SPATA13: variants seen among roughly 807,000 people sequenced by gnomAD.
SPATA13 encodes spermatogenesis associated 13.
Under a neutral mutation model 104.0 loss-of-function variants are expected in SPATA13, and 50 were observed. The observed-to-expected ratio is 0.48, with a 90% confidence interval of 0.38 to 0.61. SPATA13 has a LOEUF of 0.61. Among genes scored for constraint, SPATA13 ranks in the 20% least tolerant of loss-of-function variants. The pLI is 0.00. For synonymous variants in SPATA13, 606 were observed against 667.5 expected, an observed-to-expected ratio of 0.91 and a Z score of 1.42; for missense variants, 1,524 against 1,690.6, an observed-to-expected ratio of 0.90 and a Z score of 1.73.
At chr13:24,085,785 C>T (rs763477904) in intron 3 of SPATA13, among the ~76,000 whole-genome samples, 42 of 152,338 alleles carry the variant, frequency 2.8e-4, no homozygotes, top group South Asian at 1.7e-3. Flanking sequence ...TTCTGCCAGG[C>T]GAGACCCAGA....
intron 3 of SPATA13, among the ~76,000 whole-genome samples, chr13:24,074,160 C>A (rs933062549): frequency 6.6e-6 from 1 of 152,126 alleles, no homozygotes; most frequent in Non-Finnish European, 1.5e-5. Context: ...TTCATTAAAC[C>A]ACTATTGTCT....
At chr13:24,046,616 A>C in intron 3 of SPATA13, among the ~76,000 whole-genome samples, 1 of 150,636 alleles carries the variant, frequency 6.6e-6, no homozygotes, top group Non-Finnish European at 1.5e-5. Context: ...GTGGGTAGCA[A>C]GAGTTTGTTA....
In SPATA13 at chr13:24,115,060, T is replaced by G. The variant is rs560926792; in HGVS notation, c.-112+97359T>G. ...TTTTAGGGGAGGAGACAAGGTTTCT[T>G]GTTTGCCGTATATGCTCCTGCAGAG... On this transcript the variant is annotated intron_variant, in intron 3 of 14. Transcript: ENST00000424834. Among the ~76,000 whole-genome samples the G allele has an allele frequency of 8.9e-4, 136 of 152,302 alleles. 2 individuals are homozygous for G. In the Middle Eastern group the frequency reaches 0.02, roughly 23 times the overall value.
At chr13:24,147,991 A>G (rs1223473407) in intron 3 of SPATA13, among the ~76,000 whole-genome samples, 1 of 152,190 alleles carries the variant, frequency 6.6e-6, no homozygotes, top group Non-Finnish European at 1.5e-5. Context: ...TAATCCATTC[A>G]TCCACCACTG....
intron 4 of SPATA13, chr13:24,270,712 A>T: frequency 6.6e-7 from 1 of 1,508,626 alleles, no homozygotes. Context: ...TCTGGCCGGG[A>T]ACGCATACAA....
At chr13:24,032,562 A>G (rs1593289304) in intron 3 of SPATA13, among the ~76,000 whole-genome samples, 1 of 152,340 alleles carries the variant, frequency 6.6e-6, no homozygotes, top group African/African-American at 2.4e-5. Flanking sequence ...TCACAGGGTA[A>G]CTGACTGCAA....
intron 3 of SPATA13, among the ~76,000 whole-genome samples, chr13:24,045,921 C>T (rs1418596659): frequency 2.0e-5 from 3 of 152,156 alleles, no homozygotes; most frequent in Non-Finnish European, 2.9e-5. Context: ...ATCATAGTAC[C>T]CACCTCAATG....
intron 3 of SPATA13, among the ~76,000 whole-genome samples, chr13:24,089,294 A>G (rs1038606802): frequency 1.3e-5 from 2 of 152,166 alleles, no homozygotes; most frequent in South Asian, 4.2e-4. Flanking sequence ...TGCTATGACC[A>G]TATTTGCATG....
Position 24,088,602 on chromosome 13 carries a change from ATC to A in SPATA13, c.-112+70905_-112+70906del, listed in dbSNP as rs985272451. On this transcript the variant is annotated intron_variant, in intron 3 of 14. Transcript: ENST00000424834. This position sits in a 1 kb window ranked among gnomAD's most constrained non-coding sequence, Gnocchi z 4.3. Reference sequence around the variant, plus strand: ...ATTTTTAAAATGACATAATAAACACATCTCTTTAACCTCAATTTTCTCTTTCC... The same window carrying A: ...ATTTTTAAAATGACATAATAAACACATCTTTAACCTCAATTTTCTCTTTCC... Among the ~76,000 whole-genome samples the A allele has an allele frequency of 2.0e-5, 3 of 152,028 alleles. No individual in the cohort carries two copies. The highest frequency in any genetic ancestry group is 4.4e-5 in the Non-Finnish European group (3 of 68,026).
At position 24,224,179 on chromosome 13, in the gene SPATA13, C is replaced by A; in HGVS notation, c.1250C>A (p.Ser417Tyr). The A allele has an allele frequency of 6.4e-7, 1 of 1,551,768 alleles. No homozygotes were observed. Among genetic ancestry groups the A allele is most frequent in the Non-Finnish European group, 8.7e-7 (1 of 1,147,020 alleles). The part of the protein sequence containing the change: ...TAVFPLETKS[S>Y]WAVESDSSCT... ...GTATTTCCTCTTGAAACCAAAAGTT[C>A]CTGGGCGGTGGAAAGCGACAGTTCC... is the stretch of plus-strand genomic sequence containing the variant. Residue 417 changes from serine (S) to tyrosine (Y), a missense_variant, in exon 2 of 13, where the codon TCC becomes TAC. Around this residue, in one of 2 missense-constraint regions of SPATA13, gnomAD observed 1,089 missense variants for 1,135.9 expected, o/e 0.96. Coordinates refer to ENST00000382108, the MANE Select transcript of SPATA13 (RefSeq NM_001166271.3).
In SPATA13 at chr13:24,255,074, C is replaced by CATT. The variant is rs560612007; in HGVS notation, c.2164+3214_2164+3216dup. Among the ~76,000 whole-genome samples, 449 of 152,322 alleles carry CATT rather than the reference C, an allele frequency of 2.9e-3. 4 individuals carry two copies. Among genetic ancestry groups the CATT allele is most frequent in the African/African-American group, 0.01 (431 of 41,564 alleles). ...ATTCCTCCAGGCCATTCAGCCAGGCCATTAGCTCCTAACCAGGAGTGCGCA... is the reference window on the plus strand; with the variant it reads ...ATTCCTCCAGGCCATTCAGCCAGGCCATTATTAGCTCCTAACCAGGAGTGCGCA... On this transcript the variant is annotated intron_variant, in intron 4 of 12. Transcript: ENST00000382108.
At position 24,161,863 on chromosome 13, in the gene SPATA13, C is replaced by G. The variant is rs1280592251; in HGVS notation, c.-112+931C>G. ...CCCCTGCCAGCATTTTCTCTGTCCCCACCTTCGGTTTTTGCTGCCTCGTGT... is the reference window on the plus strand; with the variant it reads ...CCCCTGCCAGCATTTTCTCTGTCCCGACCTTCGGTTTTTGCTGCCTCGTGT... On this transcript the variant is annotated intron_variant, in intron 1 of 12. Coordinates refer to ENST00000382108, the MANE Select transcript of SPATA13 (RefSeq NM_001166271.3). The surrounding 1 kb of genome is among the most constrained non-coding windows in gnomAD (Gnocchi z 4.5). Among the ~76,000 whole-genome samples the G allele has an allele frequency of 6.6e-6, 1 of 152,224 alleles. No homozygotes were observed. The highest frequency in any genetic ancestry group is 1.5e-5 in the Non-Finnish European group (1 of 68,036).
At chr13:24,073,536 C>T (rs1312764417) in intron 3 of SPATA13, among the ~76,000 whole-genome samples, 1 of 152,240 alleles carries the variant, frequency 6.6e-6, no homozygotes, top group Non-Finnish European at 1.5e-5. Flanking sequence ...TCTGTCCTCA[C>T]ACACAGGTGA....
intron 3 of SPATA13, among the ~76,000 whole-genome samples, chr13:24,049,532 A>T (rs1878263383): frequency 6.6e-6 from 1 of 152,170 alleles, no homozygotes; most frequent in African/African-American, 2.4e-5. Context: ...GAAATGCATG[A>T]CTAGACCTAA....
intron 2 of SPATA13, among the ~76,000 whole-genome samples, chr13:24,237,372 C>G (rs957645893): frequency 1.3e-5 from 2 of 151,374 alleles, no homozygotes; most frequent in Non-Finnish European, 2.9e-5. Flanking sequence ...TAAAACAAAA[C>G]AAAACAAAAA....
chr13:24,105,989 C>A (rs144545087), intron 3 of SPATA13, among the ~76,000 whole-genome samples: 1 of 152,164 alleles, frequency 6.6e-6, no homozygotes, highest in African/African-American at 2.4e-5. Flanking sequence ...GTGAGAAATA[C>A]GTTTCTGTCG....
chr13:24,133,877 CAGA>C (rs1337448002), intron 3 of SPATA13, among the ~76,000 whole-genome samples: 6 of 152,174 alleles, frequency 3.9e-5, no homozygotes, highest in Admixed American at 3.9e-4. Context: ...ATGTGGCCTC[CAGA>C]AGAAGTGACA....
rs1374917513 is a variant in SPATA13 at position 24,199,284 on chromosome 13, C to T, written c.-111-23535C>T. 3.9e-5 allele frequency among the ~76,000 whole-genome samples: 6 copies of T among 152,294 alleles called. No individual in the cohort carries two copies. The East Asian group carries it at 5.8e-4, about 15-fold the overall frequency. On this transcript the variant is annotated intron_variant, in intron 1 of 12. Transcript: ENST00000382108. Reference sequence around the variant, plus strand: ...CATGTTTGCCAGCCGCTGAGCTCTTCGGAAGGTGGGAAGCTGGGAAGACTG... The same window carrying T: ...CATGTTTGCCAGCCGCTGAGCTCTTTGGAAGGTGGGAAGCTGGGAAGACTG...
At chr13:24,040,054 A>G (rs1295077650) in intron 3 of SPATA13, among the ~76,000 whole-genome samples, 1 of 152,230 alleles carries the variant, frequency 6.6e-6, no homozygotes, top group Non-Finnish European at 1.5e-5. Flanking sequence ...TGAGGTGAGC[A>G]TATTCAGATG....
Sources: allele counts gnomAD v4.1 joint callset (sites outside exome capture counted in the v4.1 genomes callset), GRCh38; gene constraint gnomAD v4.1.1; regional missense constraint gnomAD v4.1.1; non-coding constraint Gnocchi (gnomAD v3.1); transcripts MANE v1.5; gene names NCBI Gene and HGNC (gene_info 2026-07-23, HGNC 2026-07-21).